The following EPC1 variants were observed in gnomAD, a reference collection of about 807,000 sequenced individuals.
EPC1 encodes the protein enhancer of polycomb 1.
In EPC1, 12 loss-of-function variants were observed where a neutral mutation model predicts 98.4. That is an observed-to-expected ratio of 0.12 (90% CI 0.08 to 0.20). The LOEUF (loss-of-function observed/expected upper bound fraction) is 0.20. Among genes scored for constraint, EPC1 ranks in the 10% least tolerant of loss-of-function variants. EPC1 has a pLI of 1.00. For missense variants in EPC1, 729 were observed against 990.5 expected (o/e 0.74, Z 3.54); for synonymous variants, 357 against 363.9 (o/e 0.98, Z 0.21).
chr10:32,281,051 T>C (rs1836386216), intron 10 of EPC1, among the ~76,000 whole-genome samples: 1 of 152,092 alleles, frequency 6.6e-6, no homozygotes, highest in Admixed American at 6.6e-5. Flanking sequence ...TTTATTTATT[T>C]TGAGATGGAG....
In EPC1 at chr10:32,286,914, T is replaced by C. The variant is rs781475445; in HGVS notation, c.1242+12A>G. 1 of 1,611,018 alleles carries C rather than the reference T, an allele frequency of 6.2e-7. No individual in the cohort carries two copies. Among genetic ancestry groups the C allele is most frequent in the East Asian group, 2.2e-5 (1 of 44,866 alleles). On this transcript the variant is annotated intron_variant, in intron 8 of 13. Transcript: ENST00000319778. ...AATAGTTTGTTATTTACAAAGACACTCTGAAACTTACAGCATAGTACTGAC... is the reference window on the plus strand; with the variant it reads ...AATAGTTTGTTATTTACAAAGACACCCTGAAACTTACAGCATAGTACTGAC...
intron 1 of EPC1, among the ~76,000 whole-genome samples, chr10:32,356,108 C>G (rs961626537): frequency 1.3e-5 from 2 of 152,124 alleles, no homozygotes; most frequent in Middle Eastern, 3.2e-3. Flanking sequence ...TAGACAAAGA[C>G]TGTCAGGGAG....
At chr10:32,352,210 A>AT (rs1839134457) in intron 1 of EPC1, among the ~76,000 whole-genome samples, 1 of 150,554 alleles carries the variant, frequency 6.6e-6, no homozygotes, top group African/African-American at 2.5e-5. Flanking sequence ...ACGCCCGGCT[A>AT]ATTTTTTTTT....
rs1423297323 is a variant in EPC1 at position 32,268,785 on chromosome 10, A to G, written c.*278T>C. 2.4e-5 allele frequency: 3 copies of G among 123,254 alleles called. No individual in the cohort carries two copies. The highest frequency in any genetic ancestry group is 4.8e-5 in the Non-Finnish European group (3 of 62,734). The allele number at this position is 123,254 out of a possible 1,614,324, so 7.6% of individuals were successfully genotyped here. ...CCACCCCCAAGTGCAAAGCATCACA[A>G]ATGAACATTTCTGTATTCAAGTAAC... is the stretch of plus-strand genomic sequence containing the variant. On this transcript the variant is annotated 3_prime_UTR_variant, in exon 14 of 14. Transcript: ENST00000319778.
chr10:32,293,497 G>C, intron 3 of EPC1, 95 bp downstream of exon 3: 2 of 1,181,180 alleles, frequency 1.7e-6, no homozygotes, highest in East Asian at 4.9e-5. Context: ...AAGCCTGACT[G>C]ATTACCCCCA....
intron 1 of EPC1, among the ~76,000 whole-genome samples, chr10:32,367,060 A>G (rs1839622732): frequency 3.9e-5 from 6 of 152,230 alleles, no homozygotes; most frequent in Admixed American, 3.9e-4. Context: ...CAGTGGCACA[A>G]TCTTGGCTCA....
chr10:32,274,653 T>A (rs375954415), intron 10 of EPC1, among the ~76,000 whole-genome samples: 10 of 152,180 alleles, frequency 6.6e-5, no homozygotes, highest in Non-Finnish European at 1.2e-4. Context: ...ATCTGTTTAG[T>A]TGATATCTTC....
chr10:32,346,473 T>C (rs1838819601), intron 1 of EPC1: 1 of 370,560 alleles, frequency 2.7e-6, no homozygotes, highest in Admixed American at 4.3e-5. Flanking sequence ...ACAAAATGGC[T>C]GCCGGCAGCT....
chr10:32,296,070 C>T (rs942526030), intron 2 of EPC1, among the ~76,000 whole-genome samples: 2 of 151,942 alleles, frequency 1.3e-5, no homozygotes, highest in African/African-American at 4.8e-5. Flanking sequence ...ATTACAGGCA[C>T]CTGCCACCAC....
At chr10:32,314,250 G>C (rs1351806132) in intron 1 of EPC1, among the ~76,000 whole-genome samples, 1 of 152,196 alleles carries the variant, frequency 6.6e-6, no homozygotes, top group Admixed American at 6.5e-5. Flanking sequence ...TGGGCTGAAA[G>C]TAATTATAGA....
chr10:32,335,989 C>T (rs1837937531), intron 1 of EPC1, among the ~76,000 whole-genome samples: 1 of 152,106 alleles, frequency 6.6e-6, no homozygotes, highest in Non-Finnish European at 1.5e-5. Flanking sequence ...TTCTACCATT[C>T]ATCAGCTCCC....
chr10:32,291,251 G>A lies in EPC1; in HGVS notation c.887C>T (p.Thr296Ile), dbSNP rs771459675. The change falls in exon 6 of 14, where the codon ACT becomes ATT. Residue 296 changes from threonine to isoleucine, a missense_variant. By Grantham distance (89) the Thr-to-Ile change is moderately conservative (BLOSUM62 -1). Transcript: ENST00000319778. ...VMAQRQPMKP[T>I]YAIPIIPITN... ...AATAGGGATGATGGGGATGGCATAAGTAGGTTTCATTGGCTGTCTCTGTGC... is the reference window on the plus strand; with the variant it reads ...AATAGGGATGATGGGGATGGCATAAATAGGTTTCATTGGCTGTCTCTGTGC... 2.9e-5 allele frequency: 47 copies of A among 1,613,836 alleles called. No homozygotes were observed. In the Admixed American group the frequency reaches 7.8e-4, roughly 27 times the overall value.
At chr10:32,374,325 T>C (rs1839827985) in intron 1 of EPC1, 2 of 152,210 alleles carry the variant, frequency 1.3e-5, no homozygotes, top group South Asian at 2.1e-4. Flanking sequence ...ATGATGTTTA[T>C]TTGATGACAC....
intron 10 of EPC1, among the ~76,000 whole-genome samples, chr10:32,278,144 G>A (rs1407684505): frequency 1.3e-5 from 2 of 150,980 alleles, no homozygotes; most frequent in African/African-American, 2.4e-5. Context: ...GGGTTCAAGC[G>A]ATTCTCCTGC....
At chr10:32,340,078 G>C (rs1838242404) in intron 1 of EPC1, among the ~76,000 whole-genome samples, 1 of 152,182 alleles carries the variant, frequency 6.6e-6, no homozygotes, top group Admixed American at 6.5e-5. Flanking sequence ...AATTTCTTCA[G>C]TCAGTACTTG....
At chr10:32,343,333 C>T (rs1838497467) in intron 1 of EPC1, among the ~76,000 whole-genome samples, 1 of 152,204 alleles carries the variant, frequency 6.6e-6, no homozygotes, top group Admixed American at 6.5e-5. Flanking sequence ...GCCTCAGCCT[C>T]CCGAATAGCT....
chr10:32,274,827 G>T (rs943618776), intron 10 of EPC1, among the ~76,000 whole-genome samples: 1 of 152,010 alleles, frequency 6.6e-6, no homozygotes, highest in African/African-American at 2.4e-5. Context: ...AAAACTTGAA[G>T]AAAATCTAAA....
At chr10:32,289,826 G>A (rs1355676668) in intron 6 of EPC1, among the ~76,000 whole-genome samples, 2 of 151,860 alleles carry the variant, frequency 1.3e-5, no homozygotes, top group African/African-American at 2.4e-5. Flanking sequence ...GGGTTTCACC[G>A]TGTTAGCCAG....
upstream of EPC1, among the ~76,000 whole-genome samples, chr10:32,351,383 G>A (rs1436315964): frequency 6.6e-6 from 1 of 152,150 alleles, no homozygotes; most frequent in Non-Finnish European, 1.5e-5. Context: ...TCGGCTGGGT[G>A]CGGTGGCTCA....
Sources: gnomAD v4.1 joint callset for allele counts (sites outside exome capture counted in the v4.1 genomes callset) on GRCh38, gnomAD v4.1.1 for gene constraint, MANE v1.5 for transcripts, NCBI Gene and HGNC (gene_info 2026-07-23, HGNC 2026-07-21) for gene names.